GSE1: variants seen among roughly 807,000 people sequenced by gnomAD.
GSE1 encodes Gse1 coiled-coil protein.
In GSE1, 32 loss-of-function variants were observed where a neutral mutation model predicts 112.6. The ratio of observed to expected loss-of-function variants is 0.28; its 90% CI spans 0.21 to 0.38. The LOEUF is 0.38. GSE1 is among the 10% of genes least tolerant of loss of function. The pLI is 1.00. For synonymous variants in GSE1, 1,115 were observed against 735.6 expected (o/e 1.52, Z -8.35); for missense variants, 2,348 against 1,699.2 (o/e 1.38, Z -6.71).
chr16:85,178,196 A>G (rs570627513), intron 1 of GSE1, among the ~76,000 whole-genome samples: 1 of 152,314 alleles, frequency 6.6e-6, no homozygotes, highest in Admixed American at 6.5e-5. Context: ...AGGCGTGCAC[A>G]GGGAAGACTT....
intron 1 of GSE1, among the ~76,000 whole-genome samples, chr16:85,292,801 C>T (rs2045260882): frequency 1.3e-5 from 2 of 152,206 alleles, no homozygotes; most frequent in South Asian, 2.1e-4. Flanking sequence ...GGGCATTTCA[C>T]ACATTCACGA....
chr16:85,585,637 C>T (rs941630942), intron 1 of GSE1, among the ~76,000 whole-genome samples: 7 of 152,236 alleles, frequency 4.6e-5, no homozygotes, highest in Admixed American at 6.5e-5. Context: ...CAGTCTGCTG[C>T]AGGGCCCAAG....
At position 85,669,020 on chromosome 16, in the gene GSE1, C is replaced by T. The variant is rs578169099; in HGVS notation, c.3415+596C>T. Among the ~76,000 whole-genome samples the T allele has an allele frequency of 3.3e-5, 5 of 152,384 alleles. No homozygotes were observed. The East Asian group carries it at 7.7e-4, about 23-fold the overall frequency. On this transcript the variant is annotated intron_variant, in intron 14 of 15. Transcript: ENST00000253458. ...GCACACACCAACCCTCCTGGGAAGC[C>T]ACAGCACCAGGCGGACTCAGGCCAC...
At chr16:85,398,054 G>A (rs1461345447) in intron 2 of GSE1, among the ~76,000 whole-genome samples, 1 of 152,170 alleles carries the variant, frequency 6.6e-6, no homozygotes, top group Non-Finnish European at 1.5e-5. Context: ...TGCAGGAGAG[G>A]ACCCTAGGGA....
chr16:85,298,564 A>G (rs1260763819), intron 1 of GSE1, among the ~76,000 whole-genome samples: 1 of 152,106 alleles, frequency 6.6e-6, no homozygotes, highest in Non-Finnish European at 1.5e-5. Context: ...AGTAGCTGGG[A>G]TTCCAGGTGT....
intron 1 of GSE1, among the ~76,000 whole-genome samples, chr16:85,615,046 CA>C (rs2048285333): frequency 6.6e-6 from 1 of 152,218 alleles, no homozygotes; most frequent in Admixed American, 6.5e-5. Flanking sequence ...CGCCTCCCGG[CA>C]GGGGTGGAAG....
intron 1 of GSE1, among the ~76,000 whole-genome samples, chr16:85,222,841 T>C (rs2143765857): frequency 6.6e-6 from 1 of 152,324 alleles, no homozygotes; most frequent in South Asian, 2.1e-4. Context: ...AGCAGAAGTT[T>C]GGATCCATGC....
At chr16:85,652,252 C>G (rs1422412046) in intron 3 of GSE1, among the ~76,000 whole-genome samples, 1 of 152,232 alleles carries the variant, frequency 6.6e-6, no homozygotes, top group African/African-American at 2.4e-5. Context: ...GATGTGTGCA[C>G]GAGGCACGAC....
chr16:85,635,813 A>C (rs548301231), intron 2 of GSE1, among the ~76,000 whole-genome samples: 3 of 152,196 alleles, frequency 2.0e-5, no homozygotes, highest in African/African-American at 4.8e-5. Context: ...CCCCTGGGTA[A>C]CGCTGCAGAG....
intron 1 of GSE1, among the ~76,000 whole-genome samples, chr16:85,341,355 A>G (rs2046620385): frequency 6.6e-6 from 1 of 152,150 alleles, no homozygotes; most frequent in Non-Finnish European, 1.5e-5. Context: ...ATGCTGAGCT[A>G]ATTTTAAAAA....
At chr16:85,396,192 C>T (rs118043500) in intron 2 of GSE1, among the ~76,000 whole-genome samples, 70 of 152,334 alleles carry the variant, frequency 4.6e-4, no homozygotes, top group East Asian at 1.5e-3. Flanking sequence ...TGCCCCTGCC[C>T]GTCTCCTCCC....
chr16:85,552,624 G>T (rs952217073), upstream of GSE1, among the ~76,000 whole-genome samples: 1 of 152,192 alleles, frequency 6.6e-6, no homozygotes, highest in Non-Finnish European at 1.5e-5. Context: ...GAGCCACCGC[G>T]CTCAGTCTCA....
At chr16:85,318,064 A>G (rs1325920498) in intron 1 of GSE1, among the ~76,000 whole-genome samples, 2 of 152,170 alleles carry the variant, frequency 1.3e-5, no homozygotes, top group South Asian at 2.1e-4. Flanking sequence ...AGGGCAGGGG[A>G]GGAGGCCGTC....
At chr16:85,625,323 C>T (rs2048998920) in intron 1 of GSE1, among the ~76,000 whole-genome samples, 1 of 152,244 alleles carries the variant, frequency 6.6e-6, no homozygotes, top group East Asian at 1.9e-4. Context: ...ATCCGGGAAC[C>T]TCCGGGACCA....
chr16:85,610,956 C>G (rs955344898), upstream of GSE1, among the ~76,000 whole-genome samples: 2 of 152,248 alleles, frequency 1.3e-5, no homozygotes, highest in Non-Finnish European at 2.9e-5. Context: ...CCACTCCACA[C>G]GTTTTTGTGG....
intron 2 of GSE1, among the ~76,000 whole-genome samples, chr16:85,505,049 A>G (rs1597987634): frequency 6.6e-6 from 1 of 151,880 alleles, no homozygotes; most frequent in Non-Finnish European, 1.5e-5. Flanking sequence ...GTGACCCAGC[A>G]CTCCCATCCC....
intron 2 of GSE1, among the ~76,000 whole-genome samples, chr16:85,365,519 G>T (rs1163340225): frequency 6.6e-6 from 1 of 152,210 alleles, no homozygotes; most frequent in Non-Finnish European, 1.5e-5. Flanking sequence ...GTAGCCTTGG[G>T]GTTCAGCCCC....
chr16:85,309,443 A>G (rs909263669), intron 1 of GSE1, among the ~76,000 whole-genome samples: 6 of 152,204 alleles, frequency 3.9e-5, no homozygotes, highest in African/African-American at 1.4e-4. Context: ...GCCATGAGCC[A>G]TGATCACACC....
chr16:85,443,469 C>A (rs2151786276), intron 2 of GSE1, among the ~76,000 whole-genome samples: 1 of 152,368 alleles, frequency 6.6e-6, no homozygotes, highest in African/African-American at 2.4e-5. Flanking sequence ...TTACTGAGAT[C>A]CAGTGAGGAA....
Sources: allele counts gnomAD v4.1 joint callset (sites outside exome capture counted in the v4.1 genomes callset), GRCh38; gene constraint gnomAD v4.1.1; transcripts MANE v1.5; gene names NCBI Gene and HGNC (gene_info 2026-07-23, HGNC 2026-07-21).